Variants in RGS22 observed in about 807,000 individuals in gnomAD.
The protein encoded by RGS22 is regulator of G-protein signaling 22.
A neutral mutation model predicts 172.9 loss-of-function variants in RGS22; 148 were observed. The ratio of observed to expected loss-of-function variants is 0.86; its 90% CI spans 0.75 to 0.98. The LOEUF (loss-of-function observed/expected upper bound fraction) is 0.98, where lower values mean the gene tolerates loss of function less well. RGS22 is among the 50% of genes least tolerant of loss of function. The probability of loss-of-function intolerance (pLI) is 0.00; values close to 1 mark genes in which losing one functional copy is unlikely to be tolerated. For synonymous variants in RGS22, 458 were observed against 480.2 expected, an observed-to-expected ratio of 0.95 and a Z score of 0.60; for missense variants, 1,347 against 1,440.8, an observed-to-expected ratio of 0.93 and a Z score of 1.05.
Position 100,080,272 on chromosome 8 carries a change from T to C in RGS22, c.201A>G (p.Gln67=). 6.2e-7 allele frequency: 1 copy of C among 1,613,970 alleles called. No homozygotes were observed. Among genetic ancestry groups the C allele is most frequent in the Non-Finnish European group, 8.5e-7 (1 of 1,179,876 alleles). The change falls in exon 4 of 28, where the codon CAA becomes CAG. Residue 67 remains glutamine, a synonymous_variant. Transcript: ENST00000360863. ...GCTGGTTTTGTAGAATTTTTTTCAGTTGTTTTTCCAGAAATTGTGGAGCAT... is the reference window on the plus strand; with the variant it reads ...GCTGGTTTTGTAGAATTTTTTTCAGCTGTTTTTCCAGAAATTGTGGAGCAT... ...ANDAPQFLEK[Q]LKKILQNQQP... is the part of the protein sequence containing the mutation.
intron 7 of RGS22, among the ~76,000 whole-genome samples, chr8:100,065,821 G>A (rs1340228622): frequency 6.6e-6 from 1 of 152,038 alleles, no homozygotes; most frequent in Non-Finnish European, 1.5e-5. Flanking sequence ...AAGAAATAAT[G>A]ACATTGATTG....
chr8:100,065,274 T>C (rs1406900952), intron 7 of RGS22, among the ~76,000 whole-genome samples: 1 of 152,222 alleles, frequency 6.6e-6, no homozygotes. Flanking sequence ...AGGGAGGATG[T>C]CGCACAGAGC....
At chr8:100,003,863 T>G (rs1331997737) in intron 17 of RGS22, 63 bp downstream of exon 17, 2 of 1,362,288 alleles carry the variant, frequency 1.5e-6, no homozygotes, top group African/African-American at 2.9e-5. Flanking sequence ...TATAATATGT[T>G]GAATCAAAAA....
intron 9 of RGS22, among the ~76,000 whole-genome samples, chr8:100,056,774 C>T (rs1809655476): frequency 2.0e-5 from 3 of 152,228 alleles, no homozygotes; most frequent in Admixed American, 6.5e-5. Context: ...CAGAAGTTTG[C>T]TGCAGGGGCG....
At chr8:100,011,939 AATG>A (rs1458326123) in intron 14 of RGS22, among the ~76,000 whole-genome samples, 1 of 152,154 alleles carries the variant, frequency 6.6e-6, no homozygotes, top group Non-Finnish European at 1.5e-5. Flanking sequence ...TGCAAAATAA[AATG>A]ATAATAACGA....
chr8:100,063,082 A>T (rs964193633), intron 8 of RGS22, among the ~76,000 whole-genome samples: 1 of 152,192 alleles, frequency 6.6e-6, no homozygotes, highest in Non-Finnish European at 1.5e-5. Context: ...TATATAACTG[A>T]TAAATTATTT....
intron 2 of RGS22, among the ~76,000 whole-genome samples, chr8:100,095,635 G>T (rs555256861): frequency 1.3e-5 from 2 of 152,244 alleles, no homozygotes; most frequent in African/African-American, 2.4e-5. Flanking sequence ...CTGCCATAAA[G>T]GTTCTAAAAG....
chr8:99,973,307 A>G (rs1181111215), intron 23 of RGS22, among the ~76,000 whole-genome samples: 1 of 152,228 alleles, frequency 6.6e-6, no homozygotes, highest in East Asian at 1.9e-4. Flanking sequence ...AATGTGGTGC[A>G]TATATACCAT....
chr8:100,053,461 A>G (rs147491851), intron 9 of RGS22, among the ~76,000 whole-genome samples: 136 of 38,192 alleles, frequency 3.6e-3, no homozygotes, highest in Admixed American at 6.6e-3. Context: ...AGGGAGGGAG[A>G]GAGGGAGGGA....
intron 23 of RGS22, among the ~76,000 whole-genome samples, chr8:99,967,963 G>C (rs944912408): frequency 6.6e-6 from 1 of 152,208 alleles, no homozygotes; most frequent in Non-Finnish European, 1.5e-5. Flanking sequence ...GGGGTCGACA[G>C]ACACTTCACA....
chr8:100,097,279 T>A (rs890502414), intron 2 of RGS22, among the ~76,000 whole-genome samples: 1 of 152,218 alleles, frequency 6.6e-6, no homozygotes, highest in African/African-American at 2.4e-5. Flanking sequence ...CATCAAATTA[T>A]CATTCTTTAA....
chr8:100,068,401 A>T (rs909219862), intron 6 of RGS22, among the ~76,000 whole-genome samples: 1 of 152,028 alleles, frequency 6.6e-6, no homozygotes, highest in East Asian at 1.9e-4. Context: ...AACATTTTGT[A>T]TATATATATA....
chr8:100,003,058 A>C (rs1815275282), intron 17 of RGS22: 2 of 164,332 alleles, frequency 1.2e-5, no homozygotes, highest in African/African-American at 4.8e-5. Flanking sequence ...TTGTCTCAAA[A>C]AAGAAAAAAA....
Position 100,066,261 on chromosome 8 carries a change from T to C in RGS22, c.630A>G (p.Leu210=), listed in dbSNP as rs750925608. Reference sequence around the variant, plus strand: ...ATACTGTTTGCTGACTTTGTTTTGCTAATGCAAACCAATCTTTTGTTTGAG... The same window carrying C: ...ATACTGTTTGCTGACTTTGTTTTGCCAATGCAAACCAATCTTTTGTTTGAG... The part of the protein sequence containing the change: ...SYTQTKDWFA[L]AKQSQQTVST... The change falls in exon 7 of 28, where the codon TTA becomes TTG. Residue 210 remains leucine (L), a synonymous_variant. Coordinates refer to ENST00000360863, the MANE Select transcript of RGS22 (RefSeq NM_015668.5). The C allele has an allele frequency of 8.7e-6, 14 of 1,613,236 alleles. No individual in the cohort carries two copies. The East Asian group carries it at 2.7e-4, about 31-fold the overall frequency.
At chr8:100,074,555 A>G (rs1030169468) in intron 4 of RGS22, among the ~76,000 whole-genome samples, 1 of 152,214 alleles carries the variant, frequency 6.6e-6, no homozygotes, top group Non-Finnish European at 1.5e-5. Flanking sequence ...CATTCAGCAT[A>G]AAGCATTTAA....
Position 99,978,014 on chromosome 8 carries a change from A to G in RGS22, c.3422T>C (p.Leu1141Ser), listed in dbSNP as rs1423945492. 3.9e-6 allele frequency: 6 copies of G among 1,548,952 alleles called. No homozygotes were observed. The highest frequency in any genetic ancestry group is 5.2e-6 in the Non-Finnish European group (6 of 1,157,406). Reference sequence around the variant, plus strand: ...AACACTCATAATATTTTCATCTGTTAAATTCTTCCTAAACTCACAGAACTG... The same window carrying G: ...AACACTCATAATATTTTCATCTGTTGAATTCTTCCTAAACTCACAGAACTG... Reference protein sequence around the residue: ...WPQFCEFRKNLTDENIMSVLE... With the variant: ...WPQFCEFRKNSTDENIMSVLE... The change falls in exon 23 of 28, where the codon TTA becomes TCA. Residue 1141 changes from leucine (L) to serine (S), a missense_variant. Coordinates refer to ENST00000360863, the MANE Select transcript of RGS22 (RefSeq NM_015668.5).
intron 7 of RGS22, 79 bp downstream of exon 7, chr8:100,066,088 T>C: frequency 2.1e-6 from 3 of 1,398,524 alleles, no homozygotes; most frequent in South Asian, 1.3e-5. Context: ...AACCACTAAG[T>C]ACTGTACTGT....
chr8:100,070,557 T>C (rs1032127162), intron 6 of RGS22, among the ~76,000 whole-genome samples: 1 of 152,218 alleles, frequency 6.6e-6, no homozygotes, highest in Non-Finnish European at 1.5e-5. Context: ...GAACACTGTT[T>C]TCCTGGGTTT....
At chr8:100,087,505 G>C (rs1336102761) in intron 3 of RGS22, among the ~76,000 whole-genome samples, 1 of 152,002 alleles carries the variant, frequency 6.6e-6, no homozygotes, top group Non-Finnish European at 1.5e-5. Context: ...CTTTGAAAAG[G>C]GGAGAGAAAA....
Sources: gnomAD v4.1 joint callset for allele counts (sites outside exome capture counted in the v4.1 genomes callset) on GRCh38, gnomAD v4.1.1 for gene constraint, MANE v1.5 for transcripts, NCBI Gene and HGNC (gene_info 2026-07-23, HGNC 2026-07-21) for gene names.